The following TENM3 variants were observed in gnomAD, a reference collection of about 807,000 sequenced individuals.
TENM3 encodes teneurin transmembrane protein 3.
TENM3 carries 63 observed loss-of-function variants against 255.1 expected under a neutral mutation model. That is an observed-to-expected ratio of 0.25 (90% CI 0.20 to 0.30). TENM3 has a LOEUF of 0.30. Ranked by LOEUF, TENM3 falls within the 10% of genes least tolerant of loss-of-function variation. The pLI, the probability that TENM3 is intolerant of heterozygous loss-of-function variation, is 1.00. For missense variants in TENM3, 2,929 were observed against 3,461.1 expected, an observed-to-expected ratio of 0.85 and a Z score of 3.86; for synonymous variants, 1,306 against 1,322.3, an observed-to-expected ratio of 0.99 and a Z score of 0.27.
chr4:182,659,317 TGA>T (rs35257245), intron 6 of TENM3, among the ~76,000 whole-genome samples: 77,520 of 151,506 alleles, frequency 0.51, 20,223 homozygotes, highest in South Asian at 0.6. Flanking sequence ...TAAGATACTT[TGA>T]GAGAGAGAGA....
chr4:181,936,771 G>A, the TENM3 span, among the ~76,000 whole-genome samples: 1 of 151,862 alleles, frequency 6.6e-6, no homozygotes, highest in Non-Finnish European at 1.5e-5. Context: ...CCTCCCTGAG[G>A]AAGTGAGCTT....
At chr4:181,762,436 C>CTTAA in the TENM3 span, among the ~76,000 whole-genome samples, 2 of 152,152 alleles carry the variant, frequency 1.3e-5, no homozygotes, top group South Asian at 2.1e-4. Flanking sequence ...GTCCTTGATG[C>CTTAA]TTAATGCATC....
the TENM3 span, among the ~76,000 whole-genome samples, chr4:181,942,805 T>A: frequency 6.6e-6 from 1 of 152,234 alleles, no homozygotes; most frequent in Admixed American, 6.5e-5. Flanking sequence ...GTCAATTTCA[T>A]GTCCTTACTC....
chr4:182,325,502 C>T (rs1318072454), intron 2 of TENM3, among the ~76,000 whole-genome samples: 3 of 152,084 alleles, frequency 2.0e-5, no homozygotes, highest in Non-Finnish European at 4.4e-5. Flanking sequence ...ATTTTTAATC[C>T]GTTTTTCAGG....
chr4:182,420,358 G>A (rs994119448), intron 3 of TENM3, among the ~76,000 whole-genome samples: 4 of 152,120 alleles, frequency 2.6e-5, no homozygotes, highest in Admixed American at 1.3e-4. Flanking sequence ...TACTGTATGA[G>A]CGACTCCAGT....
chr4:181,588,634 T>C, the TENM3 span, among the ~76,000 whole-genome samples: 3 of 152,304 alleles, frequency 2.0e-5, no homozygotes, highest in South Asian at 6.2e-4. Flanking sequence ...CTATGGGATA[T>C]TAATAGCTAG....
intron 3 of TENM3, among the ~76,000 whole-genome samples, chr4:182,558,678 G>C (rs1742816427): frequency 6.6e-6 from 1 of 152,170 alleles, no homozygotes; most frequent in Admixed American, 6.5e-5. Flanking sequence ...TCTTATTATA[G>C]CACAAAATGG....
intron 2 of TENM3, among the ~76,000 whole-genome samples, chr4:182,334,582 C>T (rs1763984219): frequency 6.6e-6 from 1 of 151,776 alleles, no homozygotes; most frequent in Admixed American, 6.6e-5. Context: ...GTAATCATGT[C>T]TATATGATAT....
chr4:182,748,202 C>T (rs1027319221), intron 19 of TENM3, among the ~76,000 whole-genome samples: 1 of 152,154 alleles, frequency 6.6e-6, no homozygotes, highest in Non-Finnish European at 1.5e-5. Flanking sequence ...ACTAAAGGTT[C>T]TTAACTTGAT....
chr4:182,606,653 A>T (rs1043664090), intron 4 of TENM3, among the ~76,000 whole-genome samples: 4 of 152,148 alleles, frequency 2.6e-5, no homozygotes, highest in Admixed American at 1.3e-4. Flanking sequence ...TCTCAGGCTG[A>T]AGTAGAGGCT....
chr4:181,601,366 T>C, the TENM3 span, among the ~76,000 whole-genome samples: 1 of 152,146 alleles, frequency 6.6e-6, no homozygotes, highest in Non-Finnish European at 1.5e-5. Context: ...AATTGAAATT[T>C]ATTTTTTTCA....
At chr4:182,510,278 C>T (rs1737256557) in intron 3 of TENM3, among the ~76,000 whole-genome samples, 1 of 152,174 alleles carries the variant, frequency 6.6e-6, no homozygotes, top group Admixed American at 6.5e-5. Context: ...ATTTCCTCTC[C>T]ATCAGTACTA....
chr4:181,728,947 A>T, the TENM3 span, among the ~76,000 whole-genome samples: 1 of 152,116 alleles, frequency 6.6e-6, no homozygotes, highest in Non-Finnish European at 1.5e-5. Context: ...CTTAGTAAGA[A>T]CTGTTTTATT....
At chr4:182,237,889 T>C (rs1756992373) in intron 1 of TENM3, among the ~76,000 whole-genome samples, 1 of 152,188 alleles carries the variant, frequency 6.6e-6, no homozygotes, top group South Asian at 2.1e-4. Flanking sequence ...TAAGAGATTG[T>C]GGACCTGTAA....
At chr4:182,564,837 A>G (rs1275336472) in intron 3 of TENM3, among the ~76,000 whole-genome samples, 1 of 152,014 alleles carries the variant, frequency 6.6e-6, no homozygotes, top group African/African-American at 2.4e-5. Context: ...GAAATGTCAA[A>G]TATTTCTATG....
intron 1 of TENM3, among the ~76,000 whole-genome samples, chr4:182,248,794 G>A (rs1204737829): frequency 1.3e-5 from 2 of 152,170 alleles, no homozygotes; most frequent in African/African-American, 4.8e-5. Flanking sequence ...CTGTTACCGA[G>A]TTCCTCATAA....
the TENM3 span, among the ~76,000 whole-genome samples, chr4:181,477,736 A>G: frequency 1.3e-5 from 2 of 152,196 alleles, no homozygotes; most frequent in African/African-American, 4.8e-5. Context: ...GATCCAACTA[A>G]TTGGAAAGCA....
At chr4:182,763,586 T>C (rs749516043) in intron 22 of TENM3, among the ~76,000 whole-genome samples, 13 of 152,078 alleles carry the variant, frequency 8.5e-5, no homozygotes, top group Non-Finnish European at 1.8e-4. Context: ...AACCAAGTTC[T>C]AATAAAGGCA....
At chr4:181,530,320 A>T in the TENM3 span, among the ~76,000 whole-genome samples, 1 of 152,364 alleles carries the variant, frequency 6.6e-6, no homozygotes, top group Non-Finnish European at 1.5e-5. Context: ...ACTTATTTCA[A>T]GTAATGATCT....
Sources: gnomAD v4.1 joint callset for allele counts (sites outside exome capture counted in the v4.1 genomes callset) on GRCh38, gnomAD v4.1.1 for gene constraint, MANE v1.5 for transcripts, NCBI Gene and HGNC (gene_info 2026-07-23, HGNC 2026-07-21) for gene names.